RGL1: variants seen among roughly 807,000 people sequenced by gnomAD.
RGL1 encodes ral guanine nucleotide dissociation stimulator-like 1.
Under a neutral mutation model 95.2 loss-of-function variants are expected in RGL1, and 24 were observed. The ratio of observed to expected loss-of-function variants is 0.25; its 90% CI spans 0.18 to 0.35. RGL1 has a LOEUF of 0.35. Ranked by LOEUF, RGL1 falls within the 10% of genes least tolerant of loss-of-function variation. The pLI is 1.00. For synonymous variants in RGL1, 329 were observed against 344.9 expected (o/e 0.95, Z 0.51); for missense variants, 715 against 936.3 (o/e 0.76, Z 3.08).
At chr1:183,656,207 C>A (rs189923849) in intron 1 of RGL1, among the ~76,000 whole-genome samples, 105 of 151,916 alleles carry the variant, frequency 6.9e-4, no homozygotes, top group Non-Finnish European at 5.3e-4. Context: ...ATCCATGTTC[C>A]CACCTTAAAA....
intron 2 of RGL1, among the ~76,000 whole-genome samples, chr1:183,756,183 C>T (rs577858746): frequency 2.1e-5 from 3 of 144,054 alleles, no homozygotes; most frequent in South Asian, 4.7e-4. Flanking sequence ...CTGCGCCTGG[C>T]CTGAGTTCAT....
At chr1:183,908,027 CAAATATATA>C (rs1455630825) in intron 14 of RGL1, among the ~76,000 whole-genome samples, 1 of 151,708 alleles carries the variant, frequency 6.6e-6, no homozygotes, top group Admixed American at 6.6e-5. Context: ...ACAACAACAA[CAAATATATA>C]TATATATTTA....
At chr1:183,711,946 C>T (rs1655306937) in intron 1 of RGL1, among the ~76,000 whole-genome samples, 1 of 152,198 alleles carries the variant, frequency 6.6e-6, no homozygotes, top group South Asian at 2.1e-4. Flanking sequence ...GTAAGCCTCT[C>T]AGTTTTCCCA....
chr1:183,891,021 C>T (rs2102669099), intron 8 of RGL1, among the ~76,000 whole-genome samples: 1 of 152,248 alleles, frequency 6.6e-6, no homozygotes, highest in African/African-American at 2.4e-5. Context: ...ATCACTTTCC[C>T]TATAATCCTT....
chr1:183,650,310 A>G (rs1650632413), intron 1 of RGL1, among the ~76,000 whole-genome samples: 3 of 152,160 alleles, frequency 2.0e-5, no homozygotes, highest in South Asian at 4.1e-4. Context: ...TTGGGAGGCC[A>G]GGGTGGGCGG....
chr1:183,801,322 G>A (rs912338915), upstream of RGL1, among the ~76,000 whole-genome samples: 2 of 151,884 alleles, frequency 1.3e-5, no homozygotes, highest in African/African-American at 4.8e-5. Context: ...ATCTATTCGG[G>A]TGTTTTGCCC....
chr1:183,647,422 C>A, intron 1 of RGL1: 1 of 330,776 alleles, frequency 3.0e-6, no homozygotes. Context: ...TATTAGCAAG[C>A]TGCTAATGGT....
Position 183,904,885 on chromosome 1 carries a change from G to A in RGL1, c.1386G>A (p.Gln462=). ...TGATTGCCCAGATAAAGCTCTTACA[G>A]TCTGCCTGCAACAGCTATTGCATGA... ...FEVIAQIKLL[Q]SACNSYCMTP... is the part of the protein sequence containing the mutation. Residue 462 remains glutamine, a synonymous_variant, in exon 13 of 18, where the codon CAG becomes CAA. Transcript: ENST00000360851. 1 of 1,613,382 alleles carries A rather than the reference G, an allele frequency of 6.2e-7. No individual in the cohort carries two copies. Among genetic ancestry groups the A allele is most frequent in the Non-Finnish European group, 8.5e-7 (1 of 1,179,740 alleles).
At position 183,724,642 on chromosome 1, in the gene RGL1, CA is replaced by C. The variant is rs1656207863; in HGVS notation, c.-32-17483del. Among the ~76,000 whole-genome samples the C allele has an allele frequency of 6.6e-6, 1 of 152,070 alleles. No homozygotes were observed. The highest frequency in any genetic ancestry group is 1.5e-5 in the Non-Finnish European group (1 of 68,004). ...TATTGTAGTTTGGGTGTCAGCACAG[CA>C]GCAGTAGAATAGAGCACCAGGGAGA... On this transcript the variant is annotated intron_variant, in intron 1 of 18. Transcript: ENST00000304685. The surrounding 1 kb of genome is among the most constrained non-coding windows in gnomAD (Gnocchi z 4.1).
chr1:183,689,678 A>T (rs1362044758), intron 1 of RGL1, among the ~76,000 whole-genome samples: 1 of 152,220 alleles, frequency 6.6e-6, no homozygotes, highest in Non-Finnish European at 1.5e-5. Flanking sequence ...TGAATAAATA[A>T]AAAAGTGAGT....
chr1:183,663,617 A>G (rs1439003165), intron 1 of RGL1, among the ~76,000 whole-genome samples: 3 of 152,010 alleles, frequency 2.0e-5, no homozygotes, highest in African/African-American at 4.8e-5. Flanking sequence ...TGTTGGTGGG[A>G]CTGTAAACTA....
intron 2 of RGL1, among the ~76,000 whole-genome samples, chr1:183,748,305 C>A (rs1279546778): frequency 6.6e-6 from 1 of 150,886 alleles, no homozygotes; most frequent in Non-Finnish European, 1.5e-5. Context: ...TTTTGTGTCT[C>A]TAACTCCTTG....
intron 1 of RGL1, among the ~76,000 whole-genome samples, chr1:183,657,847 A>AT (rs1449190304): frequency 6.6e-6 from 1 of 151,872 alleles, no homozygotes; most frequent in Non-Finnish European, 1.5e-5. Flanking sequence ...CTAGTTCTAG[A>AT]TCCCTGAGGA....
At chr1:183,708,348 A>G (rs1453552371) in intron 1 of RGL1, among the ~76,000 whole-genome samples, 1 of 152,120 alleles carries the variant, frequency 6.6e-6, no homozygotes, top group Non-Finnish European at 1.5e-5. Flanking sequence ...GGCCTTGTTC[A>G]TGTTCCCTTC....
At chr1:183,864,949 T>C (rs939123302) in intron 3 of RGL1, among the ~76,000 whole-genome samples, 2 of 152,202 alleles carry the variant, frequency 1.3e-5, no homozygotes, top group Non-Finnish European at 2.9e-5. Flanking sequence ...TTAATCCCAT[T>C]AGTAGAAAAC....
chr1:183,873,958 T>C (rs527759788), intron 4 of RGL1, among the ~76,000 whole-genome samples: 2 of 152,340 alleles, frequency 1.3e-5, no homozygotes, highest in Admixed American at 1.3e-4. Flanking sequence ...TGGTGAAAAC[T>C]ATAGAAGGCC....
intron 1 of RGL1, among the ~76,000 whole-genome samples, chr1:183,654,453 A>C (rs1050901850): frequency 6.6e-6 from 1 of 152,236 alleles, no homozygotes; most frequent in Admixed American, 6.5e-5. Flanking sequence ...ATCTATTGCA[A>C]ACATTACTTT....
chr1:183,882,629 C>A (rs1164570079), intron 5 of RGL1, among the ~76,000 whole-genome samples: 2 of 152,164 alleles, frequency 1.3e-5, no homozygotes, highest in African/African-American at 2.4e-5. Context: ...CATAACCCAA[C>A]CCCATTGGCA....
At chr1:183,669,233 G>T (rs1652272579) in intron 1 of RGL1, among the ~76,000 whole-genome samples, 1 of 152,068 alleles carries the variant, frequency 6.6e-6, no homozygotes, top group African/African-American at 2.4e-5. Flanking sequence ...CATTTTTATT[G>T]TTATGTCCCC....
Sources: allele counts gnomAD v4.1 joint callset (sites outside exome capture counted in the v4.1 genomes callset), GRCh38; gene constraint gnomAD v4.1.1; non-coding constraint Gnocchi (gnomAD v3.1); transcripts MANE v1.5; gene names NCBI Gene and HGNC (gene_info 2026-07-23, HGNC 2026-07-21).